ZNF423: variants seen among roughly 807,000 people sequenced by gnomAD.
ZNF423 encodes Ebf-associated zinc finger protein.
ZNF423 carries 12 observed loss-of-function variants against 95.8 expected under a neutral mutation model. That is an observed-to-expected ratio of 0.13 (90% CI 0.08 to 0.20). The LOEUF is 0.20. Among genes scored for constraint, ZNF423 ranks in the 10% least tolerant of loss-of-function variants. The pLI is 1.00. For missense variants in ZNF423, 1,316 were observed against 1,737.1 expected (o/e 0.76, Z 4.31); for synonymous variants, 749 against 711.9 (o/e 1.05, Z -0.83).
intron 2 of ZNF423, among the ~76,000 whole-genome samples, chr16:49,778,591 G>A (rs1199637963): frequency 6.7e-6 from 1 of 148,454 alleles, no homozygotes; most frequent in East Asian, 2.1e-4. Context: ...ACCAACCACG[G>A]TGAACAAGAA....
rs754052824 is a variant in ZNF423 at position 49,637,135 on chromosome 16, A to T, written c.2041T>A (p.Ser681Thr). The T allele has an allele frequency of 1.2e-6, 2 of 1,613,510 alleles. No homozygotes were observed. Among genetic ancestry groups the T allele is most frequent in the Non-Finnish European group, 1.7e-6 (2 of 1,179,962 alleles). ...AGGTGCTGCAGGAGGGACTCCTGGG[A>T]GTCAAAGTCCTCTTTGCACTGGGGG... The part of the protein sequence containing the change: ...ACPQCKEDFD[S>T]QESLLQHLTV... The change falls in exon 4 of 8, where the codon TCC (serine) becomes ACC (threonine). Residue 681 changes from serine to threonine, a missense_variant. This residue lies in a region of ZNF423 where 620 missense variants were observed against 775.6 expected (regional missense o/e 0.80). Transcript: ENST00000563137. The surrounding 1 kb of genome is among the most constrained non-coding windows in gnomAD (Gnocchi z 5.6).
chr16:49,513,860 C>A (rs1192846907), intron 7 of ZNF423, among the ~76,000 whole-genome samples: 1 of 151,928 alleles, frequency 6.6e-6, no homozygotes, highest in Non-Finnish European at 1.5e-5. Context: ...TGGAGCTGGG[C>A]TGATGCATTA....
intron 3 of ZNF423, among the ~76,000 whole-genome samples, chr16:49,702,274 G>A (rs990065318): frequency 7.9e-5 from 12 of 152,188 alleles, no homozygotes; most frequent in African/African-American, 2.9e-4. Flanking sequence ...TCTGAACGCT[G>A]GAACCGGTAC....
intron 5 of ZNF423, among the ~76,000 whole-genome samples, chr16:49,587,735 C>T (rs1970886370): frequency 6.6e-6 from 1 of 152,128 alleles, no homozygotes; most frequent in Non-Finnish European, 1.5e-5. Context: ...AATCAGGAGT[C>T]ACCGGTGACT....
At chr16:49,735,488 C>CATAACG (rs1252795280) in intron 2 of ZNF423, among the ~76,000 whole-genome samples, 5 of 152,214 alleles carry the variant, frequency 3.3e-5, no homozygotes, top group African/African-American at 1.2e-4. Flanking sequence ...TGCCCTTCTG[C>CATAACG]AGGGAGACCT....
intron 5 of ZNF423, among the ~76,000 whole-genome samples, chr16:49,573,339 A>G (rs1162829955): frequency 1.3e-5 from 2 of 152,192 alleles, no homozygotes; most frequent in East Asian, 1.9e-4. Context: ...ATCACTTCCA[A>G]TTGAAACCTC....
chr16:49,530,213 G>A (rs985098447), intron 5 of ZNF423, among the ~76,000 whole-genome samples: 6 of 152,034 alleles, frequency 3.9e-5, no homozygotes, highest in African/African-American at 1.4e-4. Flanking sequence ...TTTGGCCACA[G>A]GACATCTGCC....
intron 5 of ZNF423, among the ~76,000 whole-genome samples, chr16:49,551,561 T>A (rs1299228821): frequency 6.6e-6 from 1 of 152,118 alleles, no homozygotes; most frequent in Non-Finnish European, 1.5e-5. Context: ...AGTAGCTCTG[T>A]CTCCTTGGCA....
chr16:49,656,194 A>G (rs1276490843), intron 3 of ZNF423, among the ~76,000 whole-genome samples: 1 of 152,210 alleles, frequency 6.6e-6, no homozygotes, highest in Non-Finnish European at 1.5e-5. Flanking sequence ...AGACAGAGGA[A>G]GCTCTCAATG....
At chr16:49,844,099 T>C (rs1369923919) in intron 1 of ZNF423, among the ~76,000 whole-genome samples, 4 of 144,128 alleles carry the variant, frequency 2.8e-5, no homozygotes, top group Non-Finnish European at 4.5e-5. Flanking sequence ...AAACAACACA[T>C]GAAGAACTCC....
At chr16:49,766,016 C>T (rs1457778604) in intron 2 of ZNF423, among the ~76,000 whole-genome samples, 2 of 152,036 alleles carry the variant, frequency 1.3e-5, no homozygotes, top group Non-Finnish European at 2.9e-5. Flanking sequence ...GGCAGCTGCA[C>T]GAGAATGTGA....
rs1971816672 is a variant in ZNF423 at position 49,614,566 on chromosome 16, G to A, written c.3601+11604C>T. 2.0e-5 allele frequency among the ~76,000 whole-genome samples: 3 copies of A among 152,182 alleles called. No individual in the cohort carries two copies. In the South Asian group the frequency reaches 6.2e-4, roughly 31 times the overall value. Reference sequence around the variant, plus strand: ...GTTTCCAAGGATTATGGGTAGGAGGGAAGTGTCTATGGCTATAAAAGGGCA... The same window carrying A: ...GTTTCCAAGGATTATGGGTAGGAGGAAAGTGTCTATGGCTATAAAAGGGCA... On this transcript the variant is annotated intron_variant, in intron 5 of 7. Coordinates refer to ENST00000563137, the MANE Select transcript of ZNF423 (RefSeq NM_001379286.1).
intron 2 of ZNF423, among the ~76,000 whole-genome samples, chr16:49,759,114 C>CTG (rs2033779574): frequency 6.6e-6 from 1 of 152,138 alleles, no homozygotes; most frequent in South Asian, 2.1e-4. Context: ...AGCTTGCTGG[C>CTG]TGGGCATGGT....
chr16:49,678,550 A>G (rs1319132977), intron 3 of ZNF423, among the ~76,000 whole-genome samples: 1 of 152,194 alleles, frequency 6.6e-6, no homozygotes, highest in East Asian at 1.9e-4. Context: ...AATCGAATAA[A>G]AAAATTAAGC....
At chr16:49,843,425 A>C (rs776444093) in intron 1 of ZNF423, among the ~76,000 whole-genome samples, 30 of 152,136 alleles carry the variant, frequency 2.0e-4, no homozygotes, top group Non-Finnish European at 3.5e-4. Flanking sequence ...ATCCTCAGAG[A>C]TTCTGGATTA....
rs559059180 is a variant in ZNF423 at position 49,603,764 on chromosome 16, G to T, written c.3601+22406C>A. 1.1e-3 allele frequency among the ~76,000 whole-genome samples: 169 copies of T among 152,252 alleles called. No individual in the cohort carries two copies. Among genetic ancestry groups the T allele is most frequent in the African/African-American group, 4.0e-3 (168 of 41,546 alleles). On this transcript the variant is annotated intron_variant, in intron 5 of 7. Transcript: ENST00000563137. This position sits in a 1 kb window ranked among gnomAD's most constrained non-coding sequence, Gnocchi z 4.1. ...AGCCCACATTTTCATTTGGCATCAG[G>T]TCCCACAAATTATTCAGCTGATCTT... is the stretch of plus-strand genomic sequence containing the variant.
At chr16:49,779,091 G>A (rs1402559385) in intron 2 of ZNF423, among the ~76,000 whole-genome samples, 2 of 152,004 alleles carry the variant, frequency 1.3e-5, no homozygotes, top group African/African-American at 2.4e-5. Context: ...AAATACAGAC[G>A]AAGAAGTAGA....
intron 5 of ZNF423, among the ~76,000 whole-genome samples, chr16:49,592,340 A>G (rs926729864): frequency 1.3e-5 from 2 of 152,186 alleles, no homozygotes; most frequent in African/African-American, 2.4e-5. Flanking sequence ...TTTTTAAAAC[A>G]CAGCTTTTTT....
chr16:49,722,181 C>A (rs1014201425), intron 3 of ZNF423, among the ~76,000 whole-genome samples: 9 of 152,166 alleles, frequency 5.9e-5, no homozygotes, highest in South Asian at 2.1e-4. Context: ...CATCAGAAGC[C>A]ATCGGAGGGC....
Sources: allele counts gnomAD v4.1 joint callset (sites outside exome capture counted in the v4.1 genomes callset), GRCh38; gene constraint gnomAD v4.1.1; regional missense constraint gnomAD v4.1.1; non-coding constraint Gnocchi (gnomAD v3.1); transcripts MANE v1.5; gene names NCBI Gene and HGNC (gene_info 2026-07-23, HGNC 2026-07-21).